The following TBC1D5 variants were observed in gnomAD, a reference collection of about 807,000 sequenced individuals.
TBC1D5 encodes the protein TBC1 domain family, member 5.
In TBC1D5, 75 loss-of-function variants were observed where a neutral mutation model predicts 100.3. That is an observed-to-expected ratio of 0.75 (90% CI 0.62 to 0.91). TBC1D5 has a LOEUF of 0.91. Ranked by LOEUF, TBC1D5 falls within the 40% of genes least tolerant of loss-of-function variation. TBC1D5 has a pLI of 0.00. For missense variants in TBC1D5, 910 were observed against 942.4 expected (o/e 0.97, Z 0.45); for synonymous variants, 323 against 325.6 (o/e 0.99, Z 0.09).
At chr3:17,468,729 T>C (rs796472354) in intron 3 of TBC1D5, among the ~76,000 whole-genome samples, 83 of 152,316 alleles carry the variant, frequency 5.4e-4, no homozygotes, top group African/African-American at 1.9e-3. Context: ...AATCCAGCCC[T>C]GTCTCACCAA....
At chr3:17,244,192 A>G (rs573810706) in intron 16 of TBC1D5, among the ~76,000 whole-genome samples, 18 of 152,340 alleles carry the variant, frequency 1.2e-4, no homozygotes, top group Non-Finnish European at 2.5e-4. Context: ...GTAGAGATTG[A>G]AAAATAATCT....
At chr3:17,606,135 T>C (rs1273823993) in intron 2 of TBC1D5, among the ~76,000 whole-genome samples, 2 of 152,138 alleles carry the variant, frequency 1.3e-5, no homozygotes, top group African/African-American at 4.8e-5. Flanking sequence ...TTACCAAAAA[T>C]ATTTTCACCA....
At chr3:17,696,864 T>A (rs1254286734) in intron 1 of TBC1D5, among the ~76,000 whole-genome samples, 1 of 152,176 alleles carries the variant, frequency 6.6e-6, no homozygotes, top group East Asian at 1.9e-4. Context: ...AATAAAATAC[T>A]GGCAAACCGA....
At chr3:17,713,882 A>G (rs2074994097) in intron 1 of TBC1D5, among the ~76,000 whole-genome samples, 1 of 152,228 alleles carries the variant, frequency 6.6e-6, no homozygotes, top group East Asian at 1.9e-4. Flanking sequence ...CTCTCTACCC[A>G]TTGAAACATC....
chr3:17,435,377 A>C (rs2094517658), intron 3 of TBC1D5, among the ~76,000 whole-genome samples: 1 of 152,204 alleles, frequency 6.6e-6, no homozygotes, highest in Non-Finnish European at 1.5e-5. Context: ...TTTATAAAGG[A>C]AAGAGGTTTA....
chr3:17,392,396 C>T (rs1283301680), intron 8 of TBC1D5, among the ~76,000 whole-genome samples: 10 of 151,808 alleles, frequency 6.6e-5, no homozygotes, highest in Admixed American at 3.3e-4. Flanking sequence ...TTTTAAGTTC[C>T]GGGAAACGTG....
At chr3:17,327,476 T>G (rs1402842333) in intron 13 of TBC1D5, among the ~76,000 whole-genome samples, 1 of 152,198 alleles carries the variant, frequency 6.6e-6, no homozygotes, top group Non-Finnish European at 1.5e-5. Flanking sequence ...ACAGTCCTGC[T>G]CACTTTGCTT....
chr3:17,277,202 TGTGA>T (rs2080109755), intron 15 of TBC1D5, among the ~76,000 whole-genome samples: 1 of 152,222 alleles, frequency 6.6e-6, no homozygotes, highest in Admixed American at 6.5e-5. Flanking sequence ...GGTGAGAATA[TGTGA>T]GTCTCAGATA....
At chr3:17,471,670 CAAAAAAAAAAAA>C (rs753132440) in intron 3 of TBC1D5, among the ~76,000 whole-genome samples, 1 of 22,288 alleles carries the variant, frequency 4.5e-5, no homozygotes, top group Non-Finnish European at 9.3e-5. Flanking sequence ...GACTCCGTCT[CAAAAAAAAAAAA>C]AAAAAAAAAA....
At chr3:17,222,588 C>T (rs2074405396) in intron 17 of TBC1D5, among the ~76,000 whole-genome samples, 2 of 152,106 alleles carry the variant, frequency 1.3e-5, no homozygotes, top group African/African-American at 4.8e-5. Context: ...TTCCGGCCTT[C>T]GGTTTTACCA....
rs183871675 is a variant in TBC1D5 at position 17,508,166 on chromosome 3, T to C, written c.97+308A>G. Among the ~76,000 whole-genome samples, 277 of 152,274 alleles carry C rather than the reference T, an allele frequency of 1.8e-3. 2 individuals are homozygous for C. Among genetic ancestry groups the C allele is most frequent in the Non-Finnish European group, 2.8e-3 (189 of 68,008 alleles). On this transcript the variant is annotated intron_variant, in intron 3 of 21. Transcript: ENST00000253692. ...CAAAAATTTAAGAATCTTTAAAAGA[T>C]GTTCGACCAAGGCCCTTTCGCATTT...
chr3:17,452,169 C>T lies in TBC1D5; in HGVS notation c.98-23650G>A, dbSNP rs139379352. On this transcript the variant is annotated intron_variant, in intron 3 of 21. Transcript: ENST00000253692. Reference sequence around the variant, plus strand: ...AATTGAAAAACATACAATGGATACACAAAAAAATAAAAAGCAAGAACTGAA... The same window carrying T: ...AATTGAAAAACATACAATGGATACATAAAAAAATAAAAAGCAAGAACTGAA... 5.3e-3 allele frequency among the ~76,000 whole-genome samples: 795 copies of T among 150,442 alleles called. 4 individuals are homozygous for T. The highest frequency in any genetic ancestry group is 0.018 in the African/African-American group (753 of 40,884).
intron 1 of TBC1D5, among the ~76,000 whole-genome samples, chr3:17,692,917 C>T (rs1262829172): frequency 6.6e-6 from 1 of 152,236 alleles, no homozygotes; most frequent in Non-Finnish European, 1.5e-5. Flanking sequence ...ATCACTTGAA[C>T]CCAAGAGTTC....
chr3:17,530,358 G>A (rs1282504029), intron 2 of TBC1D5, among the ~76,000 whole-genome samples: 1 of 152,016 alleles, frequency 6.6e-6, no homozygotes, highest in East Asian at 1.9e-4. Flanking sequence ...TTGGGGGGTG[G>A]TTACAACTAA....
At chr3:17,311,003 C>T (rs2083968130) in intron 13 of TBC1D5, among the ~76,000 whole-genome samples, 1 of 151,926 alleles carries the variant, frequency 6.6e-6, no homozygotes, top group Non-Finnish European at 1.5e-5. Flanking sequence ...GGGCTTTCTT[C>T]ATTGAGCTTA....
Position 17,175,377 on chromosome 3 carries a change from T to C in TBC1D5, c.1853-7549A>G, listed in dbSNP as rs575650402. ...TGAATCTTTACTGATCTCTACTCTT[T>C]GGCATATTATTCTCCTAGCACTTAT... On this transcript the variant is annotated intron_variant, in intron 19 of 21. Transcript: ENST00000253692. Among the ~76,000 whole-genome samples the C allele has an allele frequency of 6.6e-5, 10 of 152,324 alleles. No homozygotes were observed. The South Asian group carries it at 2.1e-3, about 32-fold the overall frequency.
chr3:17,249,079 G>C (rs974115842), intron 16 of TBC1D5, among the ~76,000 whole-genome samples: 6 of 152,158 alleles, frequency 3.9e-5, no homozygotes, highest in Non-Finnish European at 8.8e-5. Context: ...CTTGCTTCTA[G>C]ATTAGGTTTT....
In TBC1D5 at chr3:17,637,150, T is replaced by G. The variant is rs144267106; in HGVS notation, c.-100-13237A>C. 3.4e-3 allele frequency among the ~76,000 whole-genome samples: 499 copies of G among 146,704 alleles called. 3 individuals are homozygous for G. Among genetic ancestry groups the G allele is most frequent in the African/African-American group, 0.012 (476 of 39,842 alleles). ...AATTCTCCTGCCTCAGCCTCAGGAG[T>G]AGCTGGGACTACGGGTGTGTGCCAC... On this transcript the variant is annotated intron_variant, in intron 1 of 21. Transcript: ENST00000253692.
Position 17,342,047 on chromosome 3 carries a change from T to C in TBC1D5, c.995+30028A>G, listed in dbSNP as rs1206598791. ...AACTAGTCTCCCTGCTGCCATCTTA[T>C]TTAGGGCCATTCTGCTGCCACAGAT... is the stretch of plus-strand genomic sequence containing the variant. On this transcript the variant is annotated intron_variant, in intron 13 of 21. Transcript: ENST00000253692. 6.6e-5 allele frequency among the ~76,000 whole-genome samples: 10 copies of C among 152,308 alleles called. No individual in the cohort carries two copies. The South Asian group carries it at 1.7e-3, about 25-fold the overall frequency.
Sources: gnomAD v4.1 joint callset for allele counts (sites outside exome capture counted in the v4.1 genomes callset) on GRCh38, gnomAD v4.1.1 for gene constraint, MANE v1.5 for transcripts, NCBI Gene and HGNC (gene_info 2026-07-23, HGNC 2026-07-21) for gene names.